The following SLC9A9 variants were observed in gnomAD, a reference collection of about 807,000 sequenced individuals.
SLC9A9 encodes sodium/hydrogen exchanger 9.
SLC9A9 carries 62 observed loss-of-function variants against 77.8 expected under a neutral mutation model. The ratio of observed to expected loss-of-function variants is 0.80; its 90% CI spans 0.65 to 0.98. SLC9A9 has a LOEUF of 0.98. Ranked by LOEUF, SLC9A9 falls within the 50% of genes least tolerant of loss-of-function variation. The pLI is 0.00. For missense variants in SLC9A9, 775 were observed against 774.9 expected, an observed-to-expected ratio of 1.00 and a Z score of 0.00; for synonymous variants, 320 against 283.5, an observed-to-expected ratio of 1.13 and a Z score of -1.29.
intron 14 of SLC9A9, among the ~76,000 whole-genome samples, chr3:143,346,655 T>C (rs1371120549): frequency 1.3e-5 from 2 of 151,920 alleles, no homozygotes; most frequent in Admixed American, 1.3e-4. Context: ...TAGCTGGGCG[T>C]GGTGGTGGGC....
At chr3:143,834,409 A>T (rs181800655) in intron 1 of SLC9A9, among the ~76,000 whole-genome samples, 65 of 152,266 alleles carry the variant, frequency 4.3e-4, no homozygotes, top group African/African-American at 1.4e-3. Flanking sequence ...TTGCTTAGAA[A>T]GGATTTAATT....
chr3:143,618,966 C>A (rs1473293200), intron 6 of SLC9A9, among the ~76,000 whole-genome samples: 2 of 152,130 alleles, frequency 1.3e-5, no homozygotes, highest in Non-Finnish European at 2.9e-5. Flanking sequence ...TGAAACCCTG[C>A]ATTTTGAAAA....
Position 143,718,676 on chromosome 3 carries a change from G to A in SLC9A9, c.534-25369C>T, listed in dbSNP as rs181551514. Among the ~76,000 whole-genome samples the A allele has an allele frequency of 1.4e-4, 21 of 152,248 alleles. No homozygotes were observed. In the East Asian group the frequency reaches 3.9e-3, roughly 28 times the overall value. Reference sequence around the variant, plus strand: ...AAGCCCTTCATAGCACCTCCCACAGGCTTTTCCGGCTCAGTTCTGCAGCTG... The same window carrying A: ...AAGCCCTTCATAGCACCTCCCACAGACTTTTCCGGCTCAGTTCTGCAGCTG... On this transcript the variant is annotated intron_variant, in intron 4 of 15. Transcript: ENST00000316549.
At chr3:143,789,669 CAGA>C (rs1313315430) in intron 4 of SLC9A9, among the ~76,000 whole-genome samples, 1 of 152,000 alleles carries the variant, frequency 6.6e-6, no homozygotes, top group Non-Finnish European at 1.5e-5. Flanking sequence ...GAACAGGTTC[CAGA>C]ACCTGTTCCA....
intron 13 of SLC9A9, among the ~76,000 whole-genome samples, chr3:143,373,081 T>TTAATCC (rs111290221): frequency 0.62 from 94,291 of 151,572 alleles, 29,523 homozygotes; most frequent in African/African-American, 0.65. Flanking sequence ...GATTTACCAT[T>TTAATCC]AGTAAATTCC....
chr3:143,769,561 T>C (rs1439125067), intron 4 of SLC9A9, among the ~76,000 whole-genome samples: 1 of 152,176 alleles, frequency 6.6e-6, no homozygotes, highest in Admixed American at 6.5e-5. Flanking sequence ...ATGCTCTCTT[T>C]TGCTATTTTC....
At chr3:143,551,395 G>C (rs6763510) in intron 9 of SLC9A9, among the ~76,000 whole-genome samples, 80,622 of 151,934 alleles carry the variant, frequency 0.53, 21,623 homozygotes, top group African/African-American at 0.6. Flanking sequence ...GGTCTCTGCT[G>C]TCACTGTATC....
chr3:143,781,465 T>C (rs2007881219), intron 4 of SLC9A9, among the ~76,000 whole-genome samples: 1 of 152,182 alleles, frequency 6.6e-6, no homozygotes, highest in African/African-American at 2.4e-5. Context: ...ATTATTGTAG[T>C]CAATATTTCT....
chr3:143,474,165 G>A (rs113868969), intron 11 of SLC9A9, among the ~76,000 whole-genome samples: 100 of 152,286 alleles, frequency 6.6e-4, no homozygotes, highest in African/African-American at 2.3e-3. Context: ...GCAGGCCAAT[G>A]CCTGGTGTGC....
intron 14 of SLC9A9, among the ~76,000 whole-genome samples, chr3:143,330,654 C>A (rs149786700): frequency 6.6e-6 from 1 of 152,168 alleles, no homozygotes; most frequent in Non-Finnish European, 1.5e-5. Flanking sequence ...AGTGACATAT[C>A]CCATTGTCTT....
chr3:143,601,936 C>T (rs1308712332), intron 6 of SLC9A9, among the ~76,000 whole-genome samples: 2 of 151,940 alleles, frequency 1.3e-5, no homozygotes, highest in South Asian at 2.1e-4. Flanking sequence ...TTGCTGCCAT[C>T]ATCACTGCAC....
At chr3:143,654,526 T>G (rs1474785153) in intron 5 of SLC9A9, among the ~76,000 whole-genome samples, 1 of 152,316 alleles carries the variant, frequency 6.6e-6, no homozygotes, top group South Asian at 2.1e-4. Flanking sequence ...TGCTAAGTAA[T>G]CTCTTTCTCC....
intron 5 of SLC9A9, among the ~76,000 whole-genome samples, chr3:143,680,604 T>C (rs1311733123): frequency 6.6e-6 from 1 of 152,204 alleles, no homozygotes; most frequent in East Asian, 1.9e-4. Flanking sequence ...AACTTGCTGC[T>C]AAATTTTTTA....
chr3:143,348,811 C>T (rs546512987), intron 14 of SLC9A9, among the ~76,000 whole-genome samples: 8 of 152,248 alleles, frequency 5.3e-5, no homozygotes, highest in African/African-American at 9.6e-5. Flanking sequence ...GTCTAGAACG[C>T]TTTGGGTACG....
At chr3:143,335,533 T>C (rs2031896435) in intron 14 of SLC9A9, among the ~76,000 whole-genome samples, 1 of 152,152 alleles carries the variant, frequency 6.6e-6, no homozygotes, top group Non-Finnish European at 1.5e-5. Context: ...TACAAGGCTA[T>C]AGTATTCAAA....
intron 4 of SLC9A9, among the ~76,000 whole-genome samples, chr3:143,736,529 A>G (rs192310143): frequency 2.8e-3 from 421 of 152,280 alleles, no homozygotes; most frequent in African/African-American, 9.8e-3. Context: ...GAACAGGTAC[A>G]GAGCACACAC....
chr3:143,519,719 G>A (rs1576550013), intron 9 of SLC9A9, among the ~76,000 whole-genome samples: 1 of 152,092 alleles, frequency 6.6e-6, no homozygotes, highest in Non-Finnish European at 1.5e-5. Context: ...CAGCGTGGGG[G>A]CAATGGGGCG....
In SLC9A9 at chr3:143,287,517, C is replaced by G. The variant is rs78445988; in HGVS notation, c.1605-18537G>C. Among the ~76,000 whole-genome samples, 1,289 of 152,250 alleles carry G rather than the reference C, an allele frequency of 8.5e-3. 22 individuals carry two copies. The highest frequency in any genetic ancestry group is 0.063 in the South Asian group (306 of 4,824). ...TCTCATTTGTATGATTCACAGGTTA[C>G]TGAAGCTGAAAGAACCTGGAGCAGA... On this transcript the variant is annotated intron_variant, in intron 14 of 15. Transcript: ENST00000316549.
intron 6 of SLC9A9, among the ~76,000 whole-genome samples, chr3:143,615,957 T>C (rs2038097030): frequency 6.6e-6 from 1 of 151,680 alleles, no homozygotes; most frequent in African/African-American, 2.4e-5. Flanking sequence ...CTCGGCTCAC[T>C]GCAAGCTCTG....
Sources: allele counts gnomAD v4.1 joint callset (sites outside exome capture counted in the v4.1 genomes callset), GRCh38; gene constraint gnomAD v4.1.1; transcripts MANE v1.5; gene names NCBI Gene and HGNC (gene_info 2026-07-23, HGNC 2026-07-21).